Variants in L3MBTL4 observed in about 807,000 individuals in gnomAD.
L3MBTL4 encodes the protein L3MBTL histone methyl-lysine binding protein 4.
A neutral mutation model predicts 84.5 loss-of-function variants in L3MBTL4; 70 were observed. That is an observed-to-expected ratio of 0.83 (90% CI 0.68 to 1.01). L3MBTL4 has a LOEUF of 1.01. Among genes scored for constraint, L3MBTL4 ranks in the 50% least tolerant of loss-of-function variants. The pLI is 0.00. For synonymous variants in L3MBTL4, 274 were observed against 259.8 expected, an observed-to-expected ratio of 1.05 and a Z score of -0.52; for missense variants, 715 against 754.8, an observed-to-expected ratio of 0.95 and a Z score of 0.62.
intron 1 of L3MBTL4, among the ~76,000 whole-genome samples, chr18:6,381,642 G>A (rs1346234166): frequency 6.6e-6 from 1 of 152,216 alleles, no homozygotes; most frequent in Non-Finnish European, 1.5e-5. Context: ...TTCTCTTTAA[G>A]AATGTTGAAT....
chr18:6,176,284 T>C lies in L3MBTL4; in HGVS notation c.982-4342A>G, dbSNP rs1013388452. Among the ~76,000 whole-genome samples, 3 of 152,316 alleles carry C rather than the reference T, an allele frequency of 2.0e-5. No homozygotes were observed. The East Asian group carries it at 5.8e-4, about 29-fold the overall frequency. ...AAAAAAATTAACAAAGTTGGAGAACTGATACTATCTGAATTTTAGAATTAC... is the reference window on the plus strand; with the variant it reads ...AAAAAAATTAACAAAGTTGGAGAACCGATACTATCTGAATTTTAGAATTAC... On this transcript the variant is annotated intron_variant, in intron 12 of 18. Transcript: ENST00000317931.
chr18:6,183,405 G>A (rs149266420), intron 12 of L3MBTL4, among the ~76,000 whole-genome samples: 4 of 152,288 alleles, frequency 2.6e-5, no homozygotes, highest in South Asian at 2.1e-4. Context: ...CCGACGCTGC[G>A]CCTTCACTGC....
chr18:6,387,872 TATAA>T (rs1382239130), intron 1 of L3MBTL4, among the ~76,000 whole-genome samples: 4 of 152,152 alleles, frequency 2.6e-5, no homozygotes, highest in Admixed American at 1.3e-4. Flanking sequence ...GCAGAAGTAG[TATAA>T]ATAAAGATAG....
At chr18:6,331,874 T>C (rs982561407) in intron 1 of L3MBTL4, among the ~76,000 whole-genome samples, 3 of 149,740 alleles carry the variant, frequency 2.0e-5, no homozygotes, top group Non-Finnish European at 3.0e-5. Context: ...CTAAAAAGTA[T>C]CAAGGAGAAG....
intron 1 of L3MBTL4, among the ~76,000 whole-genome samples, chr18:6,394,455 A>G (rs1421061725): frequency 6.6e-6 from 1 of 152,118 alleles, no homozygotes; most frequent in Non-Finnish European, 1.5e-5. Flanking sequence ...GTGACAGAGC[A>G]AGACTCTGTC....
intron 1 of L3MBTL4, among the ~76,000 whole-genome samples, chr18:6,382,976 C>T (rs1294682034): frequency 1.3e-5 from 2 of 152,294 alleles, no homozygotes; most frequent in Middle Eastern, 6.8e-3. Flanking sequence ...AAGTCCCTGA[C>T]TGGGGCTTTG....
intron 9 of L3MBTL4, among the ~76,000 whole-genome samples, chr18:6,239,206 T>A (rs916620276): frequency 6.6e-6 from 1 of 151,094 alleles, no homozygotes; most frequent in African/African-American, 2.4e-5. Context: ...CCGGGCGTAG[T>A]GGCGGGCGCC....
chr18:6,160,272 T>C (rs1165981056), intron 13 of L3MBTL4, among the ~76,000 whole-genome samples: 2 of 152,226 alleles, frequency 1.3e-5, no homozygotes, highest in East Asian at 3.8e-4. Flanking sequence ...AGTGACTACC[T>C]TTTGTGTTGC....
intron 1 of L3MBTL4, among the ~76,000 whole-genome samples, chr18:6,359,255 T>C (rs1766819531): frequency 6.6e-6 from 1 of 150,716 alleles, no homozygotes; most frequent in African/African-American, 2.4e-5. Context: ...AGGTCAGGAG[T>C]TCAAGACCAG....
chr18:6,384,373 G>A (rs1407178483), intron 1 of L3MBTL4, among the ~76,000 whole-genome samples: 2 of 152,120 alleles, frequency 1.3e-5, no homozygotes, highest in Admixed American at 1.3e-4. Context: ...CATGGAATTG[G>A]AGTCTCTCTG....
At chr18:5,957,647 C>T (rs1334897062) in intron 18 of L3MBTL4, among the ~76,000 whole-genome samples, 3 of 151,922 alleles carry the variant, frequency 2.0e-5, no homozygotes, top group African/African-American at 7.3e-5. Context: ...GGTTCTAAAC[C>T]TTTTCAAATT....
intron 1 of L3MBTL4, among the ~76,000 whole-genome samples, chr18:6,349,811 G>A (rs1018607759): frequency 6.6e-6 from 1 of 152,188 alleles, no homozygotes; most frequent in Non-Finnish European, 1.5e-5. Context: ...ACCTGTGGTG[G>A]GAGGGGCTTT....
At chr18:6,189,355 A>T (rs2044948647) in intron 12 of L3MBTL4, among the ~76,000 whole-genome samples, 1 of 152,208 alleles carries the variant, frequency 6.6e-6, no homozygotes, top group Non-Finnish European at 1.5e-5. Context: ...TCTGGAGGTC[A>T]AGAGGTGGAC....
chr18:6,137,167 A>G (rs2060051243), intron 14 of L3MBTL4, among the ~76,000 whole-genome samples: 1 of 152,230 alleles, frequency 6.6e-6, no homozygotes. Context: ...TGGGACTAAG[A>G]CATCTCCTCC....
chr18:6,009,019 A>C (rs572527224), intron 16 of L3MBTL4, among the ~76,000 whole-genome samples: 3 of 152,306 alleles, frequency 2.0e-5, no homozygotes, highest in African/African-American at 7.2e-5. Context: ...GTTCGGCACA[A>C]GTGGCTCAGA....
chr18:6,260,503 C>T, intron 5 of L3MBTL4: 1 of 152,002 alleles, frequency 6.6e-6, no homozygotes. Flanking sequence ...CTTTCACCTT[C>T]TTGGTTAAAT....
intron 14 of L3MBTL4, among the ~76,000 whole-genome samples, chr18:6,117,596 T>TAGTAA (rs1188447189): frequency 6.6e-6 from 1 of 152,228 alleles, no homozygotes; most frequent in Non-Finnish European, 1.5e-5. Context: ...ATGCTGAATC[T>TAGTAA]GCTACTTACT....
At chr18:6,263,052 A>C (rs2048475074) in intron 5 of L3MBTL4, among the ~76,000 whole-genome samples, 1 of 152,188 alleles carries the variant, frequency 6.6e-6, no homozygotes, top group Admixed American at 6.5e-5. Flanking sequence ...AGGCAGGCGG[A>C]TCATGAGGTC....
intron 1 of L3MBTL4, among the ~76,000 whole-genome samples, chr18:6,363,962 A>G (rs2053823672): frequency 6.6e-6 from 1 of 152,126 alleles, no homozygotes; most frequent in Non-Finnish European, 1.5e-5. Context: ...GGCTATCACT[A>G]AACCTCTACC....
Sources: allele counts gnomAD v4.1 joint callset (sites outside exome capture counted in the v4.1 genomes callset), GRCh38; gene constraint gnomAD v4.1.1; transcripts MANE v1.5; gene names NCBI Gene and HGNC (gene_info 2026-07-23, HGNC 2026-07-21).